TENM2: variants seen among roughly 807,000 people sequenced by gnomAD.
TENM2 encodes the protein teneurin-2.
A neutral mutation model predicts 245.2 loss-of-function variants in TENM2; 52 were observed. That is an observed-to-expected ratio of 0.21 (90% CI 0.17 to 0.27). The LOEUF is 0.27. Ranked by LOEUF, TENM2 falls within the 10% of genes least tolerant of loss-of-function variation. The pLI is 1.00. For missense variants in TENM2, 3,046 were observed against 3,666.8 expected (o/e 0.83, Z 4.37); for synonymous variants, 1,363 against 1,438.9 (o/e 0.95, Z 1.19).
the TENM2 span, among the ~76,000 whole-genome samples, chr5:166,979,762 A>G: frequency 1.7e-5 from 2 of 115,812 alleles, no homozygotes; most frequent in South Asian, 3.1e-4. Flanking sequence ...TCGGGAGGTC[A>G]TCATTAGTTG....
At chr5:167,741,965 T>C (rs1761206636) in intron 2 of TENM2, among the ~76,000 whole-genome samples, 1 of 152,134 alleles carries the variant, frequency 6.6e-6, no homozygotes, top group African/African-American at 2.4e-5. Flanking sequence ...GAACAATGAG[T>C]ACACACCACA....
At chr5:167,857,891 A>G (rs1771239308) in intron 2 of TENM2, among the ~76,000 whole-genome samples, 2 of 152,156 alleles carry the variant, frequency 1.3e-5, no homozygotes, top group Non-Finnish European at 2.9e-5. Context: ...AGAGCCTTAG[A>G]CTCAGGTCAC....
chr5:167,103,188 G>A, the TENM2 span, among the ~76,000 whole-genome samples: 9 of 152,196 alleles, frequency 5.9e-5, no homozygotes, highest in African/African-American at 1.7e-4. Flanking sequence ...AGTCTTCCGC[G>A]GAACAGTCCA....
At position 168,147,749 on chromosome 5, in the gene TENM2, G is replaced by A. The variant is rs1340844171; in HGVS notation, c.2423-14862G>A. On this transcript the variant is annotated intron_variant, in intron 12 of 28. Coordinates refer to ENST00000518659, the Ensembl canonical transcript of TENM2. Reference sequence around the variant, plus strand: ...CCTTGCATGTGCCATTAATCAAGCAGGCATGCACAGCCATACATCAGAACT... The same window carrying A: ...CCTTGCATGTGCCATTAATCAAGCAAGCATGCACAGCCATACATCAGAACT... 2.6e-5 allele frequency among the ~76,000 whole-genome samples: 4 copies of A among 152,162 alleles called. No individual in the cohort carries two copies. In the East Asian group the frequency reaches 7.7e-4, roughly 29 times the overall value.
intron 2 of TENM2, among the ~76,000 whole-genome samples, chr5:167,683,895 T>G (rs1292339810): frequency 6.6e-6 from 1 of 152,198 alleles, no homozygotes. Flanking sequence ...TAAAAATGCG[T>G]GTAGTACTTG....
the TENM2 span, among the ~76,000 whole-genome samples, chr5:167,149,429 G>A: frequency 2.6e-5 from 4 of 151,650 alleles, no homozygotes; most frequent in South Asian, 8.3e-4. Context: ...ATATTATGTG[G>A]AATATTTTAA....
chr5:167,885,478 C>A (rs1774207659), intron 3 of TENM2, among the ~76,000 whole-genome samples: 2 of 152,178 alleles, frequency 1.3e-5, no homozygotes, highest in South Asian at 2.1e-4. Flanking sequence ...TTGTCACTCA[C>A]AACTAGGTTG....
At position 168,150,454 on chromosome 5, in the gene TENM2, A is replaced by G. The variant is rs113731074; in HGVS notation, c.2423-12157A>G. ...CACCCCACCACTCAGGCAGGACGCC[A>G]TGCGGGGGCTTCCCCAAGTAGGATC... On this transcript the variant is annotated intron_variant, in intron 12 of 28. Transcript: ENST00000518659. Among the ~76,000 whole-genome samples the G allele has an allele frequency of 4.4e-3, 672 of 152,362 alleles. 2 individuals are homozygous for G. The highest frequency in any genetic ancestry group is 0.016 in the African/African-American group (645 of 41,592).
intron 2 of TENM2, among the ~76,000 whole-genome samples, chr5:167,827,632 G>GC (rs1554126492): frequency 8.1e-6 from 1 of 123,004 alleles, no homozygotes; most frequent in Non-Finnish European, 1.7e-5. Context: ...GGTGGGCGGG[G>GC]GGGGGGGAAC....
chr5:167,510,939 TA>T (rs906349023), intron 2 of TENM2, among the ~76,000 whole-genome samples: 223 of 125,888 alleles, frequency 1.8e-3, no homozygotes, highest in African/African-American at 4.5e-3. Flanking sequence ...TGTGAGATAA[TA>T]AAAAAAAAAT....
At chr5:167,487,835 T>C (rs1768174822) in intron 2 of TENM2, among the ~76,000 whole-genome samples, 1 of 152,230 alleles carries the variant, frequency 6.6e-6, no homozygotes, top group African/African-American at 2.4e-5. Context: ...TCAATCTTTT[T>C]CTTTCTGTAT....
chr5:167,535,062 G>A (rs1771760593), intron 2 of TENM2, among the ~76,000 whole-genome samples: 1 of 152,082 alleles, frequency 6.6e-6, no homozygotes, highest in Admixed American at 6.6e-5. Flanking sequence ...TGTAAAACTT[G>A]TGTGAGTCCA....
the TENM2 span, among the ~76,000 whole-genome samples, chr5:167,214,772 T>C: frequency 1.3e-5 from 2 of 152,192 alleles, no homozygotes; most frequent in African/African-American, 4.8e-5. Flanking sequence ...ATGAATAAGA[T>C]GAATTCACTG....
Position 168,123,067 on chromosome 5 carries a change from TAGG to T in TENM2, c.2009-1778_2009-1776del, listed in dbSNP as rs372035073. 5.3e-3 allele frequency among the ~76,000 whole-genome samples: 809 copies of T among 151,618 alleles called. 5 individuals are homozygous for T. The highest frequency in any genetic ancestry group is 0.019 in the African/African-American group (774 of 41,282). On this transcript the variant is annotated intron_variant, in intron 10 of 28. Coordinates refer to ENST00000518659, the Ensembl canonical transcript of TENM2. ...ATCCCAGCACTTTGGGAGGCTGAGA[TAGG>T]AGGATTGCTTGAGCCCAGGAGTTCA...
chr5:167,350,412 TA>T, intron 1 of TENM2, among the ~76,000 whole-genome samples: 1 of 76,906 alleles, frequency 1.3e-5, no homozygotes, highest in Middle Eastern at 6.3e-3. Context: ...TATACATATA[TA>T]TGTGTGTGTG....
intron 4 of TENM2, among the ~76,000 whole-genome samples, chr5:167,975,832 A>G (rs1019591033): frequency 2.8e-5 from 4 of 141,944 alleles, no homozygotes; most frequent in African/African-American, 1.0e-4. Context: ...TTTGAGGGTT[A>G]AAAAAAAAAA....
chr5:168,065,090 G>A (rs1790380930), intron 7 of TENM2, among the ~76,000 whole-genome samples: 1 of 152,200 alleles, frequency 6.6e-6, no homozygotes, highest in Admixed American at 6.5e-5. Context: ...TCTAGCCAAG[G>A]TGACTCATTT....
At chr5:167,627,231 G>A (rs931649667) in intron 2 of TENM2, among the ~76,000 whole-genome samples, 1 of 152,088 alleles carries the variant, frequency 6.6e-6, no homozygotes, top group African/African-American at 2.4e-5. Flanking sequence ...AGTAAGTAAG[G>A]CTTGTTAAAA....
chr5:167,891,473 G>A (rs1774751912), intron 3 of TENM2, among the ~76,000 whole-genome samples: 1 of 152,114 alleles, frequency 6.6e-6, no homozygotes, highest in African/African-American at 2.4e-5. Context: ...TAGGAGGAAG[G>A]AAAGCTTAAG....
Sources: allele counts gnomAD v4.1 joint callset (sites outside exome capture counted in the v4.1 genomes callset), GRCh38; gene constraint gnomAD v4.1.1; transcripts MANE v1.5; gene names NCBI Gene and HGNC (gene_info 2026-07-23, HGNC 2026-07-21).